The following PRPS1 variants were observed in gnomAD, a reference collection of about 807,000 sequenced individuals.
PRPS1 encodes ribose-phosphate pyrophosphokinase 1.
A neutral mutation model predicts 16.9 loss-of-function variants in PRPS1; 1 was observed. The observed-to-expected ratio is 0.06, with a 90% CI of 0.02 to 0.28. PRPS1 has a LOEUF of 0.28. PRPS1 is among the 10% of genes least tolerant of loss of function. PRPS1 has a pLI of 1.00. For synonymous variants in PRPS1, 70 were observed against 90.2 expected (o/e 0.78, Z 1.27); for missense variants, 47 against 254.0 (o/e 0.19, Z 5.54).
At chrX:107,647,474 ATT>A in intron 5 of PRPS1, 130 bp from the exon 6 acceptor site, 1 of 764,846 alleles carries the variant, frequency 1.3e-6, no homozygotes, top group South Asian at 2.8e-5. Context: ...GCCTTATAAT[ATT>A]TTTTATTTTT....
chrX:107,638,739 T>C (rs1925501861), intron 1 of PRPS1, among the ~76,000 whole-genome samples: 1 of 110,038 alleles, frequency 9.1e-6, no homozygotes. Flanking sequence ...TATTTTATTT[T>C]ATTTTATTTT....
chrX:107,642,165 TG>T (rs886603838), intron 3 of PRPS1, among the ~76,000 whole-genome samples, 200 bp from the exon 4 acceptor site: 8 of 112,321 alleles, frequency 7.1e-5, no homozygotes, highest in Non-Finnish European at 1.3e-4. Flanking sequence ...GACTGAGGGC[TG>T]GCTTTGCTGA....
chrX:107,646,533 A>G (rs1009721785), intron 5 of PRPS1, among the ~76,000 whole-genome samples: 8 of 112,203 alleles, frequency 7.1e-5, no homozygotes, highest in African/African-American at 2.6e-4. Flanking sequence ...TGGAGTAAAC[A>G]TTCATAAAAC....
At chrX:107,647,476 TTTTTA>T (rs1925724251) in intron 5 of PRPS1, 125 bp from the exon 6 acceptor site, 10 of 762,714 alleles carry the variant, frequency 1.3e-5, no homozygotes, top group Non-Finnish European at 1.9e-5. Flanking sequence ...CTTATAATAT[TTTTTA>T]TTTTTTTATT....
intron 2 of PRPS1, among the ~76,000 whole-genome samples, chrX:107,640,570 A>G (rs1925549811): frequency 8.9e-6 from 1 of 112,295 alleles, no homozygotes; most frequent in South Asian, 3.6e-4. Context: ...AGAGATTTTA[A>G]TAAAATTATT....
At position 107,646,579 on chromosome X, in the gene PRPS1, C is replaced by T. The variant is rs891181739; in HGVS notation, c.705-1027C>T. The stretch of plus-strand genomic sequence containing the variant: ...CTTGTACAAGTACGGGAATACTAGT[C>T]GCTATAACAGATCAACTCCCTAACA... On this transcript the variant is annotated intron_variant, in intron 5 of 6. Transcript: ENST00000372435. Among the ~76,000 whole-genome samples, 53 of 112,225 alleles carry T rather than the reference C, an allele frequency of 4.7e-4. 1 individual carries two copies. Among genetic ancestry groups the T allele is most frequent in the Non-Finnish European group, 1.1e-4 (6 of 53,321 alleles).
At chrX:107,647,269 A>G (rs1361076212) in intron 5 of PRPS1, among the ~76,000 whole-genome samples, 1 of 112,240 alleles carries the variant, frequency 8.9e-6, no homozygotes, top group Non-Finnish European at 1.9e-5. Context: ...CTCACACACA[A>G]AGAGGTCATC....
intron 1 of PRPS1, among the ~76,000 whole-genome samples, chrX:107,634,778 C>T (rs1398856569): frequency 9.1e-6 from 1 of 110,108 alleles, no homozygotes; most frequent in East Asian, 2.8e-4. Flanking sequence ...GGGAGATAAG[C>T]CACTGTGGTC....
At chrX:107,629,616 T>A (rs1314985212) in intron 1 of PRPS1, among the ~76,000 whole-genome samples, 9 of 112,352 alleles carry the variant, frequency 8.0e-5, no homozygotes, top group African/African-American at 2.9e-4. Context: ...TTAAAGATAA[T>A]TGAGGACAGG....
chrX:107,642,248 C>T, intron 3 of PRPS1, 118 bp from the exon 4 acceptor site: 1 of 1,032,929 alleles, frequency 9.7e-7, no homozygotes, highest in Non-Finnish European at 1.4e-6. Context: ...GGCCTGCCTT[C>T]CCATCAGTTT....
At chrX:107,639,274 T>C (rs1323612726) in intron 1 of PRPS1, 21 bp from the exon 2 acceptor site, 1 of 1,205,478 alleles carries the variant, frequency 8.3e-7, no homozygotes, top group Non-Finnish European at 1.1e-6. Flanking sequence ...CTATTTCATG[T>C]TCTTTCTTTC....
intron 1 of PRPS1, chrX:107,630,021 A>G (rs1485227841): frequency 8.9e-6 from 1 of 112,330 alleles, no homozygotes; most frequent in Admixed American, 9.5e-5. Context: ...TTTTAGACCC[A>G]GCTGATAAAG....
chrX:107,646,610 GTTTCCTTC>G (rs1270978333), intron 5 of PRPS1, among the ~76,000 whole-genome samples: 3 of 112,328 alleles, frequency 2.7e-5, no homozygotes, highest in Non-Finnish European at 3.8e-5. Flanking sequence ...TAACATGATA[GTTTCCTTC>G]TTGTCCATGG....
chrX:107,639,070 T>C (rs1165177397), intron 1 of PRPS1, among the ~76,000 whole-genome samples: 8 of 112,271 alleles, frequency 7.1e-5, no homozygotes, highest in Non-Finnish European at 1.5e-4. Flanking sequence ...AGATTACTTA[T>C]AATACTTAAT....
chrX:107,634,622 ATAAAGT>A (rs1033415265), intron 1 of PRPS1, among the ~76,000 whole-genome samples: 1 of 110,514 alleles, frequency 9.0e-6, no homozygotes, highest in Non-Finnish European at 1.9e-5. Flanking sequence ...TTTTATTTTC[ATAAAGT>A]TATTTAGAAA....
chrX:107,632,539 A>C (rs887073361), intron 1 of PRPS1, among the ~76,000 whole-genome samples: 1 of 112,060 alleles, frequency 8.9e-6, no homozygotes, highest in Non-Finnish European at 1.9e-5. Context: ...TAGTTTTTTC[A>C]CTCATTGGAT....
intron 1 of PRPS1, among the ~76,000 whole-genome samples, chrX:107,638,868 G>A (rs1925505467): frequency 9.0e-6 from 1 of 110,896 alleles, no homozygotes; most frequent in Admixed American, 9.7e-5. Flanking sequence ...GAGTAGGTGG[G>A]ACTACAGGCG....
chrX:107,641,455 A>G (rs1044104394), intron 3 of PRPS1, among the ~76,000 whole-genome samples: 1 of 111,539 alleles, frequency 9.0e-6, no homozygotes, highest in African/African-American at 3.3e-5. Context: ...TCCTCAGTTC[A>G]AGCAGTTCTC....
intron 5 of PRPS1, 72 bp downstream of exon 5, chrX:107,645,422 T>A (rs1925669636): frequency 8.7e-7 from 1 of 1,155,969 alleles, no homozygotes. Context: ...GTCTTCAGCC[T>A]GCTGATTCCT....
Sources: gnomAD v4.1 joint callset for allele counts (sites outside exome capture counted in the v4.1 genomes callset) on GRCh38, gnomAD v4.1.1 for gene constraint, MANE v1.5 for transcripts, NCBI Gene and HGNC (gene_info 2026-07-23, HGNC 2026-07-21) for gene names.